The following GALNT2 variants were observed in gnomAD, a reference collection of about 807,000 sequenced individuals.
The protein encoded by GALNT2 is polypeptide N-acetylgalactosaminyltransferase 2, also known as UDP-GalNAc:polypeptide N-acetylgalactosaminyltransferase 2.
GALNT2 carries 31 observed loss-of-function variants against 81.4 expected under a neutral mutation model. The ratio of observed to expected loss-of-function variants is 0.38; its 90% CI spans 0.29 to 0.51. The LOEUF is 0.51. Ranked by LOEUF, GALNT2 falls within the 20% of genes least tolerant of loss-of-function variation. The pLI, the probability that GALNT2 is intolerant of heterozygous loss-of-function variation, is 0.87. For missense variants in GALNT2, 629 were observed against 765.7 expected, an observed-to-expected ratio of 0.82 and a Z score of 2.11; for synonymous variants, 303 against 287.4, an observed-to-expected ratio of 1.05 and a Z score of -0.55.
intron 3 of GALNT2, among the ~76,000 whole-genome samples, chr1:230,215,813 A>G (rs1368931260): frequency 6.6e-6 from 1 of 152,236 alleles, no homozygotes; most frequent in Non-Finnish European, 1.5e-5. Context: ...AGATGTACAC[A>G]TAAACTACAT....
At chr1:230,262,864 G>T in intron 12 of GALNT2, 58 bp from the exon 13 acceptor site, 9 of 1,538,756 alleles carry the variant, frequency 5.8e-6, no homozygotes, top group Non-Finnish European at 8.1e-6. Flanking sequence ...CAAGTTTGAT[G>T]TAGAAAGCCC....
At chr1:230,156,021 A>C (rs780649079) in intron 1 of GALNT2, among the ~76,000 whole-genome samples, 1 of 151,162 alleles carries the variant, frequency 6.6e-6, no homozygotes, top group Admixed American at 6.6e-5. Context: ...TGTCCTGGTC[A>C]TGGGGCTCAG....
intron 1 of GALNT2, among the ~76,000 whole-genome samples, chr1:230,130,675 G>C (rs1200192395): frequency 6.6e-6 from 1 of 152,200 alleles, no homozygotes; most frequent in Non-Finnish European, 1.5e-5. Flanking sequence ...CTGCCCGGCT[G>C]TGCCCAAAGT....
intron 3 of GALNT2, among the ~76,000 whole-genome samples, chr1:230,216,471 T>C (rs899784135): frequency 3.3e-5 from 5 of 152,212 alleles, no homozygotes; most frequent in African/African-American, 1.2e-4. Context: ...TGGAGTTGTC[T>C]CACCCCGTTG....
chr1:230,106,017 C>T (rs930191441), intron 1 of GALNT2, among the ~76,000 whole-genome samples: 7 of 152,144 alleles, frequency 4.6e-5, no homozygotes, highest in East Asian at 1.9e-4. Context: ...TTCTTTAGTC[C>T]GGTCTTCGGA....
chr1:230,222,341 TC>T (rs1664576999), intron 3 of GALNT2, among the ~76,000 whole-genome samples: 1 of 152,028 alleles, frequency 6.6e-6, no homozygotes. Context: ...TCCTCTGCAC[TC>T]CCCCTGCCCC....
At chr1:230,218,883 C>T (rs1664466340) in intron 3 of GALNT2, among the ~76,000 whole-genome samples, 1 of 152,214 alleles carries the variant, frequency 6.6e-6, no homozygotes, top group Admixed American at 6.5e-5. Flanking sequence ...AGTGGATGAG[C>T]AAACATTACC....
At chr1:230,077,524 T>C (rs1293810209) in intron 1 of GALNT2, among the ~76,000 whole-genome samples, 4 of 152,250 alleles carry the variant, frequency 2.6e-5, no homozygotes, top group African/African-American at 9.6e-5. Flanking sequence ...TTTCTACTTA[T>C]TGAAAGAGCT....
At chr1:230,175,601 G>GTCCTCCTCCTCCTCCCCCTCCCTCTCCCC (rs112086633) in intron 1 of GALNT2, among the ~76,000 whole-genome samples, 34 of 72,868 alleles carry the variant, frequency 4.7e-4, no homozygotes, top group African/African-American at 6.7e-4. Context: ...TCCCCTCCTC[G>GTCCTCCTCCTCCTCCCCCTCCCTCTCCCC]TCCTCCTCCT....
intron 3 of GALNT2, among the ~76,000 whole-genome samples, chr1:230,234,992 T>C (rs1427340216): frequency 6.6e-6 from 1 of 152,058 alleles, no homozygotes; most frequent in African/African-American, 2.4e-5. Context: ...GGTGGGAGGA[T>C]TGCTTGAAGC....
chr1:230,276,072 A>T (rs1308927952), intron 15 of GALNT2, among the ~76,000 whole-genome samples: 1 of 149,986 alleles, frequency 6.7e-6, no homozygotes, highest in South Asian at 2.1e-4. Context: ...GTATATATAC[A>T]TGCCACATAT....
At chr1:230,106,430 G>T (rs1024019093) in intron 1 of GALNT2, among the ~76,000 whole-genome samples, 1 of 152,192 alleles carries the variant, frequency 6.6e-6, no homozygotes, top group African/African-American at 2.4e-5. Context: ...TGAAACTGCT[G>T]TTGGTCTGGC....
At chr1:230,251,533 C>T (rs1665544572) in intron 10 of GALNT2, among the ~76,000 whole-genome samples, 1 of 152,178 alleles carries the variant, frequency 6.6e-6, no homozygotes, top group African/African-American at 2.4e-5. Flanking sequence ...GATTACTATA[C>T]TGCACGGGTG....
At position 230,067,971 on chromosome 1, in the gene GALNT2, G is replaced by T. The variant is rs374833569; in HGVS notation, c.126+565G>T. Among the ~76,000 whole-genome samples the T allele has an allele frequency of 3.6e-3, 543 of 152,142 alleles. 2 individuals carry two copies. The highest frequency in any genetic ancestry group is 0.012 in the African/African-American group (516 of 41,524). The stretch of plus-strand genomic sequence containing the variant: ...GGCGGCCGCTCCCGTGCCAAGTAAA[G>T]CCCCAGGGCCCGTGCGAGCCAGGGG... On this transcript the variant is annotated intron_variant, in intron 1 of 15. Transcript: ENST00000366672.
chr1:230,058,741 C>A lies in GALNT2; in HGVS notation n.89+663C>A, dbSNP rs1312717085. ...GATAAACTATTTCTCAGTCACAATT[C>A]AAGCCAAGCAATTTCTGGGAAGACA... On this transcript the variant is annotated intron_variant and non_coding_transcript_variant, in intron 1 of 6. Coordinates refer to the GALNT2 transcript ENST00000494106. 1.1e-4 allele frequency among the ~76,000 whole-genome samples: 17 copies of A among 152,196 alleles called. 1 individual carries two copies. The highest frequency in any genetic ancestry group is 1.1e-3 in the Admixed American group (17 of 15,286).
intron 13 of GALNT2, chr1:230,264,175 G>C (rs1424475295): frequency 6.6e-6 from 1 of 152,332 alleles, no homozygotes; most frequent in East Asian, 1.9e-4. Flanking sequence ...CTTCCTGCCA[G>C]CTCTGTCCTC....
chr1:230,130,185 C>T (rs759064293), intron 1 of GALNT2, among the ~76,000 whole-genome samples: 5 of 152,208 alleles, frequency 3.3e-5, no homozygotes, highest in Admixed American at 6.5e-5. Context: ...TTTCTCATCC[C>T]GCCTTCTACT....
At chr1:230,260,132 A>G (rs942527316) in intron 11 of GALNT2, among the ~76,000 whole-genome samples, 9 of 152,212 alleles carry the variant, frequency 5.9e-5, no homozygotes, top group African/African-American at 2.2e-4. Context: ...AAAGTTTTGG[A>G]TGTTAGGACA....
chr1:230,190,290 G>T (rs1172996216), intron 2 of GALNT2, among the ~76,000 whole-genome samples: 1 of 152,158 alleles, frequency 6.6e-6, no homozygotes, highest in Non-Finnish European at 1.5e-5. Flanking sequence ...CTTGCCCTGG[G>T]CGTATACCCA....
Sources: allele counts gnomAD v4.1 joint callset (sites outside exome capture counted in the v4.1 genomes callset), GRCh38; gene constraint gnomAD v4.1.1; transcripts MANE v1.5; gene names NCBI Gene and HGNC (gene_info 2026-07-23, HGNC 2026-07-21).